Variants in OR9Q1 observed in about 807,000 individuals in gnomAD.
OR9Q1 encodes the protein olfactory receptor 9Q1.
For synonymous variants in OR9Q1, 153 were observed against 148.6 expected, an observed-to-expected ratio of 1.03 and a Z score of -0.22; for missense variants, 374 against 378.8, an observed-to-expected ratio of 0.99 and a Z score of 0.11.
chr11:58,132,767 T>C (rs181560613), intron 2 of OR9Q1, among the ~76,000 whole-genome samples: 1 of 152,276 alleles, frequency 6.6e-6, no homozygotes, highest in East Asian at 1.9e-4. Context: ...TGAGGAGAGA[T>C]TGAGAAAGCA....
At chr11:58,046,863 T>TA (rs973613878) in intron 1 of OR9Q1, among the ~76,000 whole-genome samples, 2 of 149,560 alleles carry the variant, frequency 1.3e-5, no homozygotes, top group African/African-American at 2.5e-5. Flanking sequence ...AACTCCATCT[T>TA]AAAAAAAAAG....
At chr11:58,031,946 T>A in intron 1 of OR9Q1, 1 of 1,173,810 alleles carries the variant, frequency 8.5e-7, no homozygotes, top group Non-Finnish European at 1.2e-6. Context: ...CTTGGATATT[T>A]AAAAACAGGT....
rs887305796 is a variant in OR9Q1, at chr11:58,164,420, G to A, written c.-14-15011G>A. Among the ~76,000 whole-genome samples the A allele has an allele frequency of 1.1e-4, 16 of 152,096 alleles. 1 individual carries two copies. The highest frequency in any genetic ancestry group is 3.3e-4 in the Admixed American group (5 of 15,274). On this transcript the variant is annotated intron_variant, in intron 2 of 2. Transcript: ENST00000335397. ...GAACCACGTGTCTGGTTGCCCATGC[G>A]GTGCTCTTTTTCTATATCCTCACCT...
At chr11:58,147,227 G>A (rs1565090196) in intron 2 of OR9Q1, among the ~76,000 whole-genome samples, 1 of 152,134 alleles carries the variant, frequency 6.6e-6, no homozygotes, top group Non-Finnish European at 1.5e-5. Flanking sequence ...AGGGAAATAT[G>A]TTTTTGGTGA....
At chr11:58,092,560 G>A (rs939924412) in intron 2 of OR9Q1, among the ~76,000 whole-genome samples, 1 of 152,090 alleles carries the variant, frequency 6.6e-6, no homozygotes. Flanking sequence ...TATATCAAAA[G>A]ATACAGTTTT....
intron 2 of OR9Q1, chr11:58,108,677 C>T (rs1204979071): frequency 1.5e-5 from 3 of 202,792 alleles, no homozygotes; most frequent in Non-Finnish European, 3.0e-5. Context: ...ATATGAAGAC[C>T]TGGAGAAAAG....
intron 2 of OR9Q1, among the ~76,000 whole-genome samples, chr11:58,104,471 G>C (rs1273617490): frequency 6.6e-6 from 1 of 151,548 alleles, no homozygotes; most frequent in Non-Finnish European, 1.5e-5. Flanking sequence ...AGTGTATTTT[G>C]CCTATACAAA....
intron 2 of OR9Q1, chr11:58,171,499 C>G (rs1015774834): frequency 6.6e-6 from 1 of 152,212 alleles, no homozygotes; most frequent in Admixed American, 6.5e-5. Flanking sequence ...GATTCCTCAA[C>G]CTTTTTCTAC....
At chr11:58,081,170 G>A (rs1053112579) in intron 2 of OR9Q1, among the ~76,000 whole-genome samples, 36 of 152,016 alleles carry the variant, frequency 2.4e-4, no homozygotes, top group African/African-American at 7.7e-4. Flanking sequence ...TGGCTGCATA[G>A]TATTCCATGG....
At chr11:58,084,069 A>G (rs1433336781) in intron 2 of OR9Q1, among the ~76,000 whole-genome samples, 1 of 151,938 alleles carries the variant, frequency 6.6e-6, no homozygotes, top group African/African-American at 2.4e-5. Flanking sequence ...CTTTAATGAT[A>G]TCGATTCTCC....
intron 1 of OR9Q1, among the ~76,000 whole-genome samples, chr11:58,027,964 G>A (rs536918411): frequency 1.3e-5 from 2 of 151,984 alleles, no homozygotes; most frequent in Admixed American, 1.3e-4. Flanking sequence ...TGGATGTCGG[G>A]GGGGCATCTG....
chr11:58,151,899 C>T (rs770769008), intron 2 of OR9Q1, among the ~76,000 whole-genome samples: 3 of 152,032 alleles, frequency 2.0e-5, no homozygotes, highest in Non-Finnish European at 4.4e-5. Context: ...TTACAACAAT[C>T]TACTGTAGGT....
At chr11:58,150,103 A>C (rs890040396) in intron 2 of OR9Q1, among the ~76,000 whole-genome samples, 2 of 152,208 alleles carry the variant, frequency 1.3e-5, no homozygotes, top group African/African-American at 2.4e-5. Context: ...TAAGAGTTCT[A>C]AGTTTTTCAC....
rs143556059 is a variant in OR9Q1, at chr11:58,154,577, C to A, written c.-14-24854C>A. ...CTATAGTTAATAGAAATTAATCATACATTTCAAAATAACTAGAAGAGAAGA... is the reference window on the plus strand; with the variant it reads ...CTATAGTTAATAGAAATTAATCATAAATTTCAAAATAACTAGAAGAGAAGA... On this transcript the variant is annotated intron_variant, in intron 2 of 2. Coordinates refer to ENST00000335397, the MANE Select transcript of OR9Q1 (RefSeq NM_001005212.4). Among the ~76,000 whole-genome samples, 113 of 152,172 alleles carry A rather than the reference C, an allele frequency of 7.4e-4. 1 individual carries two copies. The East Asian group carries it at 0.016, about 22-fold the overall frequency.
chr11:58,040,673 G>A (rs1853152840), intron 1 of OR9Q1: 1 of 152,178 alleles, frequency 6.6e-6, no homozygotes, highest in Non-Finnish European at 1.5e-5. Flanking sequence ...GGACAGGGAG[G>A]GGTTCAGACC....
At position 58,045,781 on chromosome 11, in the gene OR9Q1, C is replaced by T. The variant is rs114349880; in HGVS notation, c.-92-10089C>T. Among the ~76,000 whole-genome samples the T allele has an allele frequency of 5.9e-3, 897 of 152,316 alleles. 8 individuals carry two copies. Among genetic ancestry groups the T allele is most frequent in the African/African-American group, 0.021 (863 of 41,558 alleles). ...ATCCACAGTGAATCAGAAACAAAGA[C>T]TACAAACACTACCTAAGCCTCAGCA... On this transcript the variant is annotated intron_variant, in intron 1 of 2. Coordinates refer to ENST00000335397, the MANE Select transcript of OR9Q1 (RefSeq NM_001005212.4).
chr11:58,037,272 C>A (rs1040516261), intron 1 of OR9Q1, among the ~76,000 whole-genome samples: 1 of 152,116 alleles, frequency 6.6e-6, no homozygotes, highest in Admixed American at 6.6e-5. Context: ...TGCTATTGCA[C>A]ACTTAATAGA....
chr11:58,042,869 G>C (rs1160595976), intron 1 of OR9Q1, among the ~76,000 whole-genome samples: 1 of 152,084 alleles, frequency 6.6e-6, no homozygotes, highest in East Asian at 1.9e-4. Flanking sequence ...CACATCCCTT[G>C]TAAGTTGGAT....
chr11:58,107,336 C>T (rs1853851394), intron 2 of OR9Q1, among the ~76,000 whole-genome samples: 1 of 152,120 alleles, frequency 6.6e-6, no homozygotes, highest in African/African-American at 2.4e-5. Context: ...TTGTTCAATT[C>T]CCAGTATGAG....
Sources: gnomAD v4.1 joint callset for allele counts (sites outside exome capture counted in the v4.1 genomes callset) on GRCh38, gnomAD v4.1.1 for gene constraint, MANE v1.5 for transcripts, NCBI Gene and HGNC (gene_info 2026-07-23, HGNC 2026-07-21) for gene names.